Variants in IGF1R observed in about 807,000 individuals in gnomAD.
The protein encoded by IGF1R is insulin like growth factor 1 receptor.
Under a neutral mutation model 144.6 loss-of-function variants are expected in IGF1R, and 44 were observed. That is an observed-to-expected ratio of 0.30 (90% confidence interval 0.24 to 0.39). The LOEUF is 0.39. Ranked by LOEUF, IGF1R falls within the 10% of genes least tolerant of loss-of-function variation. The pLI, the probability that IGF1R is intolerant of heterozygous loss-of-function variation, is 1.00. For missense variants in IGF1R, 1,355 were observed against 1,833.7 expected, an observed-to-expected ratio of 0.74 and a Z score of 4.77; for synonymous variants, 795 against 722.8, an observed-to-expected ratio of 1.10 and a Z score of -1.60.
At chr15:98,867,892 T>G (rs2141597827) in intron 2 of IGF1R, among the ~76,000 whole-genome samples, 1 of 152,296 alleles carries the variant, frequency 6.6e-6, no homozygotes, top group East Asian at 1.9e-4. Context: ...GCAGTAAAGT[T>G]TCCACTTTTT....
intron 18 of IGF1R, among the ~76,000 whole-genome samples, chr15:98,940,580 T>C (rs1280927819): frequency 6.6e-6 from 1 of 151,968 alleles, no homozygotes; most frequent in Non-Finnish European, 1.5e-5. Flanking sequence ...ATTTTTTATA[T>C]TTTTAGTAGA....
At chr15:98,762,828 A>G (rs553045885) in intron 2 of IGF1R, among the ~76,000 whole-genome samples, 73 of 151,406 alleles carry the variant, frequency 4.8e-4, no homozygotes, top group Middle Eastern at 3.4e-3. Context: ...CGGGCCGATC[A>G]CAAGGTCAAG....
At chr15:98,831,613 ATG>A (rs1350611143) in intron 2 of IGF1R, among the ~76,000 whole-genome samples, 1 of 152,338 alleles carries the variant, frequency 6.6e-6, no homozygotes, top group South Asian at 2.1e-4. Context: ...AATTTATTAT[ATG>A]TGTGCATGGG....
At chr15:98,846,976 A>G (rs2011352150) in intron 2 of IGF1R, among the ~76,000 whole-genome samples, 1 of 151,616 alleles carries the variant, frequency 6.6e-6, no homozygotes, top group Non-Finnish European at 1.5e-5. Flanking sequence ...GGAACAGTTC[A>G]CTCTTTTTCT....
chr15:98,707,871 A>G lies in IGF1R; in HGVS notation c.404A>G (p.Asn135Ser). The change falls in exon 2 of 21, where the codon AAC becomes AGC. Residue 135 changes from asparagine (N) to serine (S), a missense_variant. Coordinates refer to ENST00000650285, the MANE Select transcript of IGF1R (RefSeq NM_000875.5). This position sits in a 1 kb window ranked among gnomAD's most constrained non-coding sequence, Gnocchi z 6.7. ...LKDIGLYNLRNITRGAIRIEK... is the reference protein window; with the variant it reads ...LKDIGLYNLRSITRGAIRIEK... ...GATATTGGGCTTTACAACCTGAGGAACATTACTCGGGGGGCCATCAGGATT... is the reference window on the plus strand; with the variant it reads ...GATATTGGGCTTTACAACCTGAGGAGCATTACTCGGGGGGCCATCAGGATT... 2 of 1,614,186 alleles carry G rather than the reference A, an allele frequency of 1.2e-6. No individual in the cohort carries two copies. The highest frequency in any genetic ancestry group is 2.2e-5 in the South Asian group (2 of 91,084).
rs776938282 is a variant in IGF1R at position 98,922,306 on chromosome 15, G to A, written c.2360G>A (p.Arg787Lys). 2 of 1,614,180 alleles carry A rather than the reference G, an allele frequency of 1.2e-6. No homozygotes were observed. Among genetic ancestry groups the A allele is most frequent in the East Asian group, 2.2e-5 (1 of 44,876 alleles). ...GAGAGCAGAGTGGATAACAAGGAGA[G>A]AACTGTCATTTCTAACCTTCGGCCT... is the stretch of plus-strand genomic sequence containing the variant. The part of the protein sequence containing the change: ...FFESRVDNKE[R>K]TVISNLRPFT... Residue 787 changes from arginine to lysine, a missense_variant, in exon 11 of 21, where the codon AGA (arginine) becomes AAA (lysine). Physicochemically the swap from Arg to Lys is conservative, Grantham distance 26. This residue lies in a region of IGF1R where 880 missense variants were observed against 1,202.7 expected (regional missense o/e 0.73). Coordinates refer to ENST00000650285, the MANE Select transcript of IGF1R (RefSeq NM_000875.5).
At chr15:98,808,597 C>A (rs1223270123) in intron 2 of IGF1R, among the ~76,000 whole-genome samples, 1 of 152,116 alleles carries the variant, frequency 6.6e-6, no homozygotes, top group Non-Finnish European at 1.5e-5. Flanking sequence ...TATGACAAGG[C>A]CCTCACCCTT....
Position 98,948,655 on chromosome 15 carries a change from C to G in IGF1R, c.3669C>G (p.Arg1223=). 1 of 1,614,188 alleles carries G rather than the reference C, an allele frequency of 6.2e-7. No homozygotes were observed. The highest frequency in any genetic ancestry group is 8.5e-7 in the Non-Finnish European group (1 of 1,180,012). The change falls in exon 20 of 21, where the codon CGC becomes CGG. Residue 1223 remains arginine (R), a synonymous_variant. Coordinates refer to ENST00000650285, the MANE Select transcript of IGF1R (RefSeq NM_000875.5). The stretch of plus-strand genomic sequence containing the variant: ...GCTTGTCCAACGAGCAAGTCCTTCG[C>G]TTCGTCATGGAGGGCGGCCTTCTGG... The part of the protein sequence containing the change: ...YQGLSNEQVL[R]FVMEGGLLDK...
chr15:98,726,712 ATTTTTTT>A (rs756622481), intron 2 of IGF1R, among the ~76,000 whole-genome samples: 29 of 93,092 alleles, frequency 3.1e-4, no homozygotes, highest in Admixed American at 1.9e-3. Context: ...TACATTGATG[ATTTTTTT>A]TTTTTTTTTT....
At chr15:98,788,034 ATC>A (rs33910472) in intron 2 of IGF1R, among the ~76,000 whole-genome samples, 45,390 of 133,326 alleles carry the variant, frequency 0.34, 8,465 homozygotes, top group Non-Finnish European at 0.42. Context: ...GTGGGTAGGG[ATC>A]TCTCTCTCTC....
At chr15:98,831,270 T>C (rs1271507004) in intron 2 of IGF1R, among the ~76,000 whole-genome samples, 2 of 152,256 alleles carry the variant, frequency 1.3e-5, no homozygotes, top group East Asian at 3.8e-4. Context: ...TTTCAACGTG[T>C]TCTAAAATGA....
At chr15:98,818,398 A>G (rs1197766939) in intron 2 of IGF1R, among the ~76,000 whole-genome samples, 2 of 152,172 alleles carry the variant, frequency 1.3e-5, no homozygotes, top group Non-Finnish European at 2.9e-5. Context: ...GATTTCTACA[A>G]CAGTCAGTCT....
intron 2 of IGF1R, among the ~76,000 whole-genome samples, chr15:98,866,718 G>GC (rs1173663165): frequency 6.6e-6 from 1 of 152,176 alleles, no homozygotes. Context: ...GGAAGCGCTG[G>GC]CGGTCGTTTC....
At chr15:98,839,764 T>C (rs1444221639) in intron 2 of IGF1R, among the ~76,000 whole-genome samples, 1 of 152,146 alleles carries the variant, frequency 6.6e-6, no homozygotes, top group African/African-American at 2.4e-5. Context: ...AGTGGCTGCT[T>C]CCTCTACATG....
intron 1 of IGF1R, among the ~76,000 whole-genome samples, chr15:98,703,204 T>G (rs2053778551): frequency 6.6e-6 from 1 of 152,070 alleles, no homozygotes; most frequent in South Asian, 2.1e-4. Context: ...AGTTTTTGGG[T>G]TTGTTTTTGG....
chr15:98,737,205 C>G (rs2054631864), intron 2 of IGF1R, among the ~76,000 whole-genome samples: 1 of 152,148 alleles, frequency 6.6e-6, no homozygotes, highest in African/African-American at 2.4e-5. Flanking sequence ...CTGACTTACA[C>G]AGTGGTAAAC....
intron 10 of IGF1R, among the ~76,000 whole-genome samples, chr15:98,918,722 A>G (rs2015357505): frequency 6.6e-6 from 1 of 152,168 alleles, no homozygotes; most frequent in African/African-American, 2.4e-5. Flanking sequence ...TACTAAAGAT[A>G]CAAAAAATTA....
chr15:98,919,376 C>T (rs1365996009), intron 10 of IGF1R, among the ~76,000 whole-genome samples: 2 of 152,192 alleles, frequency 1.3e-5, no homozygotes, highest in Non-Finnish European at 2.9e-5. Context: ...CCCTTGGTTA[C>T]GTTGCTGTCT....
intron 1 of IGF1R, among the ~76,000 whole-genome samples, chr15:98,659,821 T>C (rs571447074): frequency 1.3e-5 from 2 of 152,204 alleles, no homozygotes; most frequent in African/African-American, 2.4e-5. Context: ...CTTCCATTGC[T>C]CTATTTAAAC....
Sources: allele counts gnomAD v4.1 joint callset (sites outside exome capture counted in the v4.1 genomes callset), GRCh38; gene constraint gnomAD v4.1.1; regional missense constraint gnomAD v4.1.1; non-coding constraint Gnocchi (gnomAD v3.1); transcripts MANE v1.5; gene names NCBI Gene and HGNC (gene_info 2026-07-23, HGNC 2026-07-21).